Variants in TTC28 observed in about 807,000 individuals in gnomAD.
TTC28 encodes the protein tetratricopeptide repeat domain 28.
Under a neutral mutation model 198.0 loss-of-function variants are expected in TTC28, and 61 were observed. The ratio of observed to expected loss-of-function variants is 0.31; its 90% confidence interval spans 0.25 to 0.38. The LOEUF (loss-of-function observed/expected upper bound fraction) is 0.38, where lower values mean the gene tolerates loss of function less well. TTC28 is among the 10% of genes least tolerant of loss of function. The pLI is 1.00. For missense variants in TTC28, 2,678 were observed against 3,164.0 expected (o/e 0.85, Z 3.69); for synonymous variants, 1,171 against 1,297.8 (o/e 0.90, Z 2.10).
At chr22:28,059,368 T>C (rs898955865) in intron 12 of TTC28, among the ~76,000 whole-genome samples, 3 of 152,094 alleles carry the variant, frequency 2.0e-5, no homozygotes, top group African/African-American at 7.2e-5. Flanking sequence ...TAGTAGTGTA[T>C]TTAATTTCCA....
At chr22:28,364,760 GA>G (rs2046218074) in intron 2 of TTC28, among the ~76,000 whole-genome samples, 1 of 152,218 alleles carries the variant, frequency 6.6e-6, no homozygotes, top group South Asian at 2.1e-4. Flanking sequence ...GTGAAGATGT[GA>G]CTAAATTGCT....
chr22:28,312,363 AAT>A (rs1334934614), intron 2 of TTC28, among the ~76,000 whole-genome samples: 8 of 152,304 alleles, frequency 5.3e-5, no homozygotes, highest in Admixed American at 3.9e-4. Flanking sequence ...AAGCGAACCT[AAT>A]AGACATCTAC....
intron 12 of TTC28, among the ~76,000 whole-genome samples, chr22:28,063,970 G>A (rs1270550343): frequency 6.6e-6 from 1 of 152,158 alleles, no homozygotes; most frequent in Non-Finnish European, 1.5e-5. Context: ...CTGTGTTTTA[G>A]GAGGGTTCTT....
At chr22:28,608,055 C>T (rs1385127282) in intron 2 of TTC28, among the ~76,000 whole-genome samples, 2 of 152,204 alleles carry the variant, frequency 1.3e-5, no homozygotes, top group African/African-American at 2.4e-5. Context: ...TCAAAATCAA[C>T]TTTTTCAAGA....
At chr22:28,441,276 C>A (rs1463026112) in intron 2 of TTC28, among the ~76,000 whole-genome samples, 1 of 152,190 alleles carries the variant, frequency 6.6e-6, no homozygotes, top group African/African-American at 2.4e-5. Context: ...TTGCAGACAT[C>A]TTAAAACTAC....
chr22:28,566,446 A>T (rs947563272), intron 2 of TTC28, among the ~76,000 whole-genome samples: 8 of 152,308 alleles, frequency 5.3e-5, no homozygotes, highest in Middle Eastern at 3.4e-3. Flanking sequence ...TAATACCTTA[A>T]GCCTCTCCTT....
intron 2 of TTC28, among the ~76,000 whole-genome samples, chr22:28,374,782 A>T (rs1158411849): frequency 1.3e-5 from 2 of 152,208 alleles, no homozygotes; most frequent in East Asian, 3.9e-4. Context: ...AGCAGGTTCG[A>T]GCGATTCTCC....
intron 2 of TTC28, among the ~76,000 whole-genome samples, chr22:28,582,406 G>A (rs2050245525): frequency 6.6e-6 from 1 of 152,064 alleles, no homozygotes; most frequent in South Asian, 2.1e-4. Context: ...TTTCAAGGAA[G>A]ACATGGCTGG....
At chr22:28,572,954 G>C (rs2050086282) in intron 2 of TTC28, among the ~76,000 whole-genome samples, 1 of 152,066 alleles carries the variant, frequency 6.6e-6, no homozygotes, top group Non-Finnish European at 1.5e-5. Context: ...TCTCAGACCA[G>C]CCTGAGCAAC....
intron 2 of TTC28, among the ~76,000 whole-genome samples, chr22:28,421,813 C>A (rs900197945): frequency 2.0e-5 from 3 of 151,600 alleles, no homozygotes; most frequent in Non-Finnish European, 4.4e-5. Flanking sequence ...CACATTCCTG[C>A]AGTCCCAGAT....
chr22:28,539,090 C>T (rs538082074), intron 2 of TTC28, among the ~76,000 whole-genome samples: 11 of 152,282 alleles, frequency 7.2e-5, no homozygotes, highest in African/African-American at 2.6e-4. Flanking sequence ...GACTTCAGTC[C>T]TGCCTGAGGT....
At chr22:28,121,542 T>C (rs1942786957) in intron 6 of TTC28, among the ~76,000 whole-genome samples, 1 of 152,238 alleles carries the variant, frequency 6.6e-6, no homozygotes, top group South Asian at 2.1e-4. Context: ...TTTCTTTTAG[T>C]TTTTGTTGTT....
intron 5 of TTC28, among the ~76,000 whole-genome samples, chr22:28,190,878 T>G (rs529746215): frequency 6.6e-6 from 1 of 152,288 alleles, no homozygotes; most frequent in South Asian, 2.1e-4. Flanking sequence ...GGCCTCTTTT[T>G]CTCTCACCTG....
chr22:28,260,046 T>C (rs1931215203), intron 5 of TTC28, among the ~76,000 whole-genome samples: 1 of 152,166 alleles, frequency 6.6e-6, no homozygotes, highest in Non-Finnish European at 1.5e-5. Context: ...GTTGATGCTG[T>C]GCTCTCTTGG....
chr22:28,313,065 C>A (rs1194913111), intron 2 of TTC28, among the ~76,000 whole-genome samples: 1 of 152,184 alleles, frequency 6.6e-6, no homozygotes, highest in Non-Finnish European at 1.5e-5. Context: ...AAACTACCAT[C>A]AGAGTATACT....
intron 12 of TTC28, among the ~76,000 whole-genome samples, chr22:28,091,633 AGGCTGACCCCATGGTGGACAT>A (rs1264077415): frequency 2.0e-5 from 3 of 152,278 alleles, no homozygotes; most frequent in Middle Eastern, 3.4e-3. Flanking sequence ...CCCATCGGCA[AGGCTGACCCCATGGTGGACAT>A]GGGGTCACCG....
intron 2 of TTC28, among the ~76,000 whole-genome samples, chr22:28,498,257 GA>G (rs2048484873): frequency 6.6e-6 from 1 of 152,074 alleles, no homozygotes; most frequent in South Asian, 2.1e-4. Flanking sequence ...GATCAACCAC[GA>G]TAAGGTTCAA....
chr22:28,320,316 A>G (rs1258143904), intron 2 of TTC28, among the ~76,000 whole-genome samples: 1 of 151,618 alleles, frequency 6.6e-6, no homozygotes, highest in African/African-American at 2.4e-5. Flanking sequence ...ACACCCATAG[A>G]ATGAAGGCAC....
At position 28,108,347 on chromosome 22, in the gene TTC28, G is replaced by A; in HGVS notation, c.1498C>T (p.His500Tyr). Residue 500 changes from histidine to tyrosine, a missense_variant, in exon 7 of 23, where the codon CAC becomes TAC. Around this residue, in one of 8 missense-constraint regions of TTC28, gnomAD observed 775 missense variants for 845.9 expected, o/e 0.92. Transcript: ENST00000397906. The part of the protein sequence containing the change: ...YDTALKLHKT[H>Y]LCIAQELSDY... ...CTCAGCTCCTGGGCAATGCACAGGTGGGTCTTGTGGAGTTTCAGTGCAGTG... is the reference window on the plus strand; with the variant it reads ...CTCAGCTCCTGGGCAATGCACAGGTAGGTCTTGTGGAGTTTCAGTGCAGTG... 6.7e-7 allele frequency: 1 copy of A among 1,490,470 alleles called. No individual in the cohort carries two copies. Among genetic ancestry groups the A allele is most frequent in the Non-Finnish European group, 9.0e-7 (1 of 1,114,118 alleles). 92.3% of individuals were successfully genotyped at this position (1,490,470 alleles called of 1,614,324 possible).
Sources: allele counts gnomAD v4.1 joint callset (sites outside exome capture counted in the v4.1 genomes callset), GRCh38; gene constraint gnomAD v4.1.1; regional missense constraint gnomAD v4.1.1; transcripts MANE v1.5; gene names NCBI Gene and HGNC (gene_info 2026-07-23, HGNC 2026-07-21).